The following FLT3 variants were observed in gnomAD, a reference collection of about 807,000 sequenced individuals.
FLT3 encodes fms related receptor tyrosine kinase 3.
FLT3 carries 46 observed loss-of-function variants against 126.6 expected under a neutral mutation model. The observed-to-expected ratio is 0.36, with a 90% confidence interval of 0.29 to 0.46. The LOEUF (loss-of-function observed/expected upper bound fraction) is 0.46, where lower values mean the gene tolerates loss of function less well. FLT3 is among the 20% of genes least tolerant of loss of function. The probability of loss-of-function intolerance (pLI) is 1.00; values close to 1 mark genes in which losing one functional copy is unlikely to be tolerated. For synonymous variants in FLT3, 404 were observed against 434.4 expected, an observed-to-expected ratio of 0.93 and a Z score of 0.87; for missense variants, 1,069 against 1,190.3, an observed-to-expected ratio of 0.90 and a Z score of 1.50.
chr13:28,050,905 A>G (rs9507986), intron 5 of FLT3, among the ~76,000 whole-genome samples: 40,796 of 151,966 alleles, frequency 0.27, 6,539 homozygotes, highest in African/African-American at 0.44. Context: ...TTTACTTTGT[A>G]AGAACTTAAC....
At chr13:28,024,989 G>T in intron 17 of FLT3, 46 bp from the exon 18 acceptor site, 1 of 1,018,060 alleles carries the variant, frequency 9.8e-7, no homozygotes, top group Non-Finnish European at 1.5e-6. Flanking sequence ...ATTCTTCTCA[G>T]CAGACATTTT....
At chr13:28,029,518 C>T (rs1029051216) in intron 15 of FLT3, among the ~76,000 whole-genome samples, 4 of 152,210 alleles carry the variant, frequency 2.6e-5, no homozygotes, top group African/African-American at 9.6e-5. Context: ...GCCCTCAAAA[C>T]AAACAAACAA....
intron 17 of FLT3, 22 bp downstream of exon 17, chr13:28,027,066 A>G (rs749795881): frequency 1.2e-6 from 2 of 1,608,694 alleles, no homozygotes; most frequent in Non-Finnish European, 1.7e-6. Context: ...TGTAATTACG[A>G]AACCCTGACC....
intron 8 of FLT3, 66 bp from the exon 9 acceptor site, chr13:28,048,509 TA>T: frequency 9.2e-7 from 1 of 1,084,836 alleles, no homozygotes; most frequent in South Asian, 1.4e-5. Flanking sequence ...ATTGAGAAGA[TA>T]AAATAAACTT....
At chr13:28,085,641 T>C (rs1372737045) in intron 1 of FLT3, among the ~76,000 whole-genome samples, 1 of 149,840 alleles carries the variant, frequency 6.7e-6, no homozygotes, top group African/African-American at 2.6e-5. Context: ...AGGATTGTTA[T>C]GTCCTTTTGA....
At chr13:28,068,144 A>G (rs1447708371) in intron 2 of FLT3, 2 of 153,822 alleles carry the variant, frequency 1.3e-5, no homozygotes, top group African/African-American at 2.4e-5. Flanking sequence ...TTCTGGAGGA[A>G]GGGAGGTATA....
At chr13:28,053,662 A>G (rs377331723) in intron 4 of FLT3, among the ~76,000 whole-genome samples, 7 of 152,250 alleles carry the variant, frequency 4.6e-5, no homozygotes, top group African/African-American at 1.7e-4. Flanking sequence ...TTGAGCTTCA[A>G]AATAGTGTTA....
intron 23 of FLT3, 28 bp from the exon 24 acceptor site, chr13:28,004,202 G>A: frequency 6.2e-7 from 1 of 1,611,934 alleles, no homozygotes; most frequent in Non-Finnish European, 8.5e-7. Context: ...ACAGAACACT[G>A]ATTACCATCT....
At chr13:28,066,908 A>G (rs1336533049) in intron 2 of FLT3, among the ~76,000 whole-genome samples, 1 of 152,186 alleles carries the variant, frequency 6.6e-6, no homozygotes, top group Non-Finnish European at 1.5e-5. Flanking sequence ...GTAACTTTGC[A>G]GTGGGGATAC....
intron 19 of FLT3, among the ~76,000 whole-genome samples, chr13:28,022,327 C>T (rs565755333): frequency 6.6e-6 from 1 of 152,200 alleles, no homozygotes; most frequent in South Asian, 2.1e-4. Context: ...GCCTGGGCAA[C>T]ATGGTGAATT....
intron 1 of FLT3, among the ~76,000 whole-genome samples, chr13:28,072,599 C>T (rs9513023): frequency 1 from 151,630 of 152,352 alleles, 75,461 homozygotes; most frequent in Middle Eastern, 1. Flanking sequence ...ATTCACCTTG[C>T]TGGCCAGGCT....
intron 23 of FLT3, among the ~76,000 whole-genome samples, chr13:28,005,597 T>C (rs1330046216): frequency 2.0e-5 from 3 of 152,148 alleles, no homozygotes; most frequent in Non-Finnish European, 4.4e-5. Flanking sequence ...TTTGACCAAC[T>C]GGTTATACGA....
chr13:28,080,921 T>C (rs1415605890), intron 1 of FLT3, among the ~76,000 whole-genome samples: 1 of 152,202 alleles, frequency 6.6e-6, no homozygotes, highest in Admixed American at 6.5e-5. Context: ...TACACCTTTA[T>C]CAAAAATAAA....
chr13:28,099,772 C>G (rs536297458), intron 1 of FLT3, among the ~76,000 whole-genome samples: 2 of 152,232 alleles, frequency 1.3e-5, no homozygotes, highest in South Asian at 4.1e-4. Flanking sequence ...TCTTTGGGGA[C>G]AGTCCTCGGA....
chr13:28,045,932 C>T (rs1421575796), intron 9 of FLT3, among the ~76,000 whole-genome samples: 1 of 17,122 alleles, frequency 5.8e-5, no homozygotes, highest in Non-Finnish European at 4.1e-4. Context: ...GGCAATGGTT[C>T]TCAAAAAAAA....
At chr13:28,057,176 C>T (rs964840213) in intron 4 of FLT3, among the ~76,000 whole-genome samples, 171 bp downstream of exon 4, 15 of 152,170 alleles carry the variant, frequency 9.9e-5, no homozygotes, top group African/African-American at 3.1e-4. Context: ...CAGTGATTCT[C>T]AGTTCTCTAT....
chr13:28,097,381 T>C (rs932771964), intron 1 of FLT3, among the ~76,000 whole-genome samples: 1 of 152,162 alleles, frequency 6.6e-6, no homozygotes, highest in Non-Finnish European at 1.5e-5. Context: ...TATAAGTAAG[T>C]CTTCCTCCTT....
At chr13:28,050,327 G>A in intron 5 of FLT3, 105 bp from the exon 6 acceptor site, 1 of 1,075,730 alleles carries the variant, frequency 9.3e-7, no homozygotes, top group South Asian at 1.5e-5. Context: ...GGGTCAAATG[G>A]TAAACAAAAG....
In FLT3 at chr13:28,049,450, C is replaced by A. The variant is rs35602083; in HGVS notation, c.970G>T (p.Asp324Tyr). ...FAFVSSVARN[D>Y]TGYYTCSSSK... is the part of the protein sequence containing the mutation. ...GAGGAACAAGTGTAGTATCCGGTGT[C>A]GTTTCTTGCCACTGATGATACAAAA... The change falls in exon 8 of 24, where the codon GAC becomes TAC. Residue 324 changes from aspartate (D) to tyrosine (Y), a missense_variant. By Grantham distance (160) the Asp-to-Tyr change is radical. Transcript: ENST00000241453. The A allele has an allele frequency of 6.2e-7, 1 of 1,613,560 alleles. No homozygotes were observed. Among genetic ancestry groups the A allele is most frequent in the African/African-American group, 1.3e-5 (1 of 74,854 alleles).
Sources: allele counts gnomAD v4.1 joint callset (sites outside exome capture counted in the v4.1 genomes callset), GRCh38; gene constraint gnomAD v4.1.1; transcripts MANE v1.5; gene names NCBI Gene and HGNC (gene_info 2026-07-23, HGNC 2026-07-21).